Variants in TEC observed in about 807,000 individuals in gnomAD.
The protein encoded by TEC is tec protein tyrosine kinase.
In TEC, 72 loss-of-function variants were observed where a neutral mutation model predicts 93.0. That is an observed-to-expected ratio of 0.77 (90% CI 0.64 to 0.94). The LOEUF (loss-of-function observed/expected upper bound fraction) is 0.94, where lower values mean the gene tolerates loss of function less well. Ranked by LOEUF, TEC falls within the 40% of genes least tolerant of loss-of-function variation. The probability of loss-of-function intolerance (pLI) is 0.00; values close to 1 mark genes in which losing one functional copy is unlikely to be tolerated. For missense variants in TEC, 630 were observed against 757.9 expected (o/e 0.83, Z 1.98); for synonymous variants, 249 against 247.7 (o/e 1.01, Z -0.05).
chr4:48,181,733 T>C (rs973886199), intron 2 of TEC, among the ~76,000 whole-genome samples: 4 of 150,824 alleles, frequency 2.7e-5, no homozygotes, highest in African/African-American at 9.7e-5. Flanking sequence ...GGATTCACCA[T>C]AGGGAACAGA....
rs535006973 is a variant in TEC, at chr4:48,258,812, C to T, written c.-46+10940G>A. 2.7e-3 allele frequency among the ~76,000 whole-genome samples: 413 copies of T among 152,226 alleles called. 1 individual carries two copies. The highest frequency in any genetic ancestry group is 4.4e-3 in the Non-Finnish European group (299 of 67,998). ...ATTTAATTCTCTTTAAGAACTCTAGCGAATTTGTCTGACATGGTTACCCTC... is the reference window on the plus strand; with the variant it reads ...ATTTAATTCTCTTTAAGAACTCTAGTGAATTTGTCTGACATGGTTACCCTC... On this transcript the variant is annotated intron_variant, in intron 1 of 17. Coordinates refer to ENST00000381501, the MANE Select transcript of TEC (RefSeq NM_003215.3).
At chr4:48,238,710 ATATGTATT>A (rs1189575456) in intron 1 of TEC, among the ~76,000 whole-genome samples, 2 of 115,592 alleles carry the variant, frequency 1.7e-5, no homozygotes, top group South Asian at 4.7e-4. Flanking sequence ...TTATATATTT[ATATGTATT>A]TATATATTTA....
intron 17 of TEC, 151 bp from the exon 18 acceptor site, chr4:48,137,650 T>C (rs1577689265): frequency 1.6e-6 from 1 of 630,054 alleles, no homozygotes; most frequent in Non-Finnish European, 2.8e-6. Context: ...GTCTTGTCTC[T>C]ACCCTAATTT....
intron 3 of TEC, among the ~76,000 whole-genome samples, chr4:48,172,219 T>G (rs914426021): frequency 7.2e-5 from 11 of 152,080 alleles, no homozygotes. Flanking sequence ...CCTGGGAAAC[T>G]AAGCCAGAAA....
intron 2 of TEC, among the ~76,000 whole-genome samples, chr4:48,227,921 A>AT (rs1368786355): frequency 6.6e-6 from 1 of 152,122 alleles, no homozygotes; most frequent in Non-Finnish European, 1.5e-5. Context: ...CTAACCACAC[A>AT]TTTGTCTGTG....
At chr4:48,141,251 A>T in intron 15 of TEC, 104 bp downstream of exon 15, 1 of 979,720 alleles carries the variant, frequency 1.0e-6, no homozygotes. Flanking sequence ...AGAACCAGTT[A>T]ACAAGATTTC....
chr4:48,153,044 C>T lies in TEC; in HGVS notation c.793-2102G>A, dbSNP rs79302308. Among the ~76,000 whole-genome samples the T allele has an allele frequency of 7.2e-3, 1,089 of 152,278 alleles. 15 individuals are homozygous for T. The highest frequency in any genetic ancestry group is 0.025 in the African/African-American group (1,027 of 41,558). ...TCACAGGTAGACCCAGGTCCCCTTA[C>T]TCAGCACAGAGTAGTTCCCTCTATA... On this transcript the variant is annotated intron_variant, in intron 9 of 17. Transcript: ENST00000381501.
chr4:48,210,199 T>A (rs1449991148), intron 2 of TEC, among the ~76,000 whole-genome samples: 1 of 152,134 alleles, frequency 6.6e-6, no homozygotes, highest in East Asian at 1.9e-4. Flanking sequence ...AAATGTAAAG[T>A]TGGTCAGACT....
intron 15 of TEC, among the ~76,000 whole-genome samples, chr4:48,141,022 T>C (rs1261588626): frequency 6.6e-6 from 1 of 152,068 alleles, no homozygotes; most frequent in African/African-American, 2.4e-5. Context: ...TAAATACCTT[T>C]AAAAGGTATT....
intron 2 of TEC, among the ~76,000 whole-genome samples, chr4:48,184,085 C>T (rs1721704754): frequency 6.6e-6 from 1 of 152,098 alleles, no homozygotes; most frequent in African/African-American, 2.4e-5. Context: ...AATTATAGAA[C>T]ACTTACTATA....
intron 2 of TEC, among the ~76,000 whole-genome samples, chr4:48,186,853 T>TG (rs534004218): frequency 0.036 from 5,436 of 148,962 alleles, 271 homozygotes; most frequent in East Asian, 0.2. Flanking sequence ...GTCTGGGAGG[T>TG]GGGGGGCGCC....
chr4:48,140,991 G>A (rs1719633732), intron 15 of TEC, among the ~76,000 whole-genome samples: 1 of 151,946 alleles, frequency 6.6e-6, no homozygotes, highest in African/African-American at 2.4e-5. Context: ...TAGACGGAGG[G>A]AGAAGAGAGA....
chr4:48,209,001 C>G (rs1722806200), intron 2 of TEC, among the ~76,000 whole-genome samples: 1 of 152,146 alleles, frequency 6.6e-6, no homozygotes, highest in South Asian at 2.1e-4. Flanking sequence ...AATTATAAAT[C>G]TAGATTTCTC....
intron 1 of TEC, among the ~76,000 whole-genome samples, chr4:48,261,435 A>G (rs1724494379): frequency 6.6e-6 from 1 of 152,232 alleles, no homozygotes; most frequent in African/African-American, 2.4e-5. Flanking sequence ...CAGAAAAATG[A>G]AACTTTAAAT....
chr4:48,149,766 G>T, intron 10 of TEC, 76 bp from the exon 11 acceptor site: 1 of 1,445,028 alleles, frequency 6.9e-7, no homozygotes, highest in Non-Finnish European at 9.3e-7. Context: ...TTCTACAAGG[G>T]CAACCACAGT....
intron 2 of TEC, among the ~76,000 whole-genome samples, chr4:48,218,236 A>T (rs1214558759): frequency 6.6e-6 from 1 of 152,212 alleles, no homozygotes; most frequent in Admixed American, 6.5e-5. Context: ...TGAGTTTTCA[A>T]GGCATAATAT....
chr4:48,184,397 A>G (rs546474448), intron 2 of TEC, among the ~76,000 whole-genome samples: 10 of 152,242 alleles, frequency 6.6e-5, no homozygotes, highest in Non-Finnish European at 1.0e-4. Context: ...AAAGTTCACA[A>G]ATTAAATACA....
At chr4:48,172,052 C>A (rs1473474336) in intron 3 of TEC, among the ~76,000 whole-genome samples, 11 of 152,242 alleles carry the variant, frequency 7.2e-5, no homozygotes, top group African/African-American at 2.7e-4. Flanking sequence ...GTTGCACTGC[C>A]TAACCTGCCC....
intron 1 of TEC, among the ~76,000 whole-genome samples, chr4:48,233,360 T>TTA: frequency 6.9e-6 from 1 of 145,634 alleles, no homozygotes. Flanking sequence ...TTTTTTTTTT[T>TTA]AAAGACAAGG....
Sources: allele counts gnomAD v4.1 joint callset (sites outside exome capture counted in the v4.1 genomes callset), GRCh38; gene constraint gnomAD v4.1.1; transcripts MANE v1.5; gene names NCBI Gene and HGNC (gene_info 2026-07-23, HGNC 2026-07-21).